ITIH5: variants seen among roughly 807,000 people sequenced by gnomAD.
ITIH5 encodes the protein inter-alpha-trypsin inhibitor heavy chain H5.
ITIH5 carries 65 observed loss-of-function variants against 77.5 expected under a neutral mutation model. That is an observed-to-expected ratio of 0.84 (90% CI 0.69 to 1.03). ITIH5 has a LOEUF of 1.03. Among genes scored for constraint, ITIH5 ranks in the 50% least tolerant of loss-of-function variants. ITIH5 has a pLI of 0.00. For synonymous variants in ITIH5, 525 were observed against 494.3 expected, an observed-to-expected ratio of 1.06 and a Z score of -0.82; for missense variants, 1,208 against 1,213.1, an observed-to-expected ratio of 1.00 and a Z score of 0.06.
rs117425443 is a variant in ITIH5 at position 7,582,562 on chromosome 10, C to A, written c.1109-2498G>T. The stretch of plus-strand genomic sequence containing the variant: ...TAAATTTAGAGTTTGATGACCATCA[C>A]CACCATCCATCATCCTGACTGGAGT... On this transcript the variant is annotated intron_variant, in intron 8 of 13. Transcript: ENST00000397146. Among the ~76,000 whole-genome samples, 1,106 of 152,282 alleles carry A rather than the reference C, an allele frequency of 7.3e-3. 5 individuals carry two copies. Among genetic ancestry groups the A allele is most frequent in the Admixed American group, 0.014 (217 of 15,294 alleles).
intron 11 of ITIH5, among the ~76,000 whole-genome samples, chr10:7,570,553 A>G (rs1832276547): frequency 6.6e-6 from 1 of 152,218 alleles, no homozygotes; most frequent in Non-Finnish European, 1.5e-5. Flanking sequence ...ATTTCTTGAG[A>G]ATCTATATCA....
intron 5 of ITIH5, among the ~76,000 whole-genome samples, chr10:7,630,381 TG>T (rs1833692831): frequency 6.6e-6 from 1 of 152,238 alleles, no homozygotes. Flanking sequence ...TCTCTTAACT[TG>T]CTCGTTTTAA....
chr10:7,594,031 G>A (rs553526925), intron 7 of ITIH5, among the ~76,000 whole-genome samples: 1 of 152,350 alleles, frequency 6.6e-6, no homozygotes, highest in South Asian at 2.1e-4. Context: ...TCTGCACATC[G>A]TGTTCAGATG....
rs369039511 is a variant in ITIH5, at chr10:7,634,562, CCT to C, written c.652+2664_652+2665del. 2.9e-3 allele frequency among the ~76,000 whole-genome samples: 443 copies of C among 152,260 alleles called. 2 individuals carry two copies. Among genetic ancestry groups the C allele is most frequent in the African/African-American group, 0.01 (435 of 41,544 alleles). On this transcript the variant is annotated intron_variant, in intron 5 of 13. Transcript: ENST00000397146. ...AAGAGATCAACCGTTTGGAAAAATTCCTCTGAGACACTAACAGGCCCCGAATA... is the reference window on the plus strand; with the variant it reads ...AAGAGATCAACCGTTTGGAAAAATTCCTGAGACACTAACAGGCCCCGAATA...
chr10:7,661,646 G>A (rs535583742), intron 1 of ITIH5, among the ~76,000 whole-genome samples: 19 of 152,270 alleles, frequency 1.2e-4, no homozygotes, highest in African/African-American at 4.6e-4. Context: ...CCTTGGTAAT[G>A]GAAGAAGAAA....
chr10:7,624,823 ATG>A (rs1201698809), intron 5 of ITIH5, among the ~76,000 whole-genome samples: 2 of 136,298 alleles, frequency 1.5e-5, no homozygotes, highest in African/African-American at 5.8e-5. Context: ...ACACATATAT[ATG>A]TGTATATACA....
intron 2 of ITIH5, among the ~76,000 whole-genome samples, chr10:7,649,200 T>C (rs1452610207): frequency 6.8e-6 from 1 of 146,774 alleles, no homozygotes; most frequent in Non-Finnish European, 1.5e-5. Context: ...CTTCTTTTCA[T>C]TCTCCTTCTT....
chr10:7,641,527 T>C (rs778713177), intron 3 of ITIH5, among the ~76,000 whole-genome samples: 2 of 150,614 alleles, frequency 1.3e-5, no homozygotes, highest in Non-Finnish European at 3.0e-5. Flanking sequence ...CATTCATTTG[T>C]TGAAGGGGAG....
intron 5 of ITIH5, among the ~76,000 whole-genome samples, chr10:7,636,370 A>G (rs2131071910): frequency 6.6e-6 from 1 of 152,298 alleles, no homozygotes; most frequent in South Asian, 2.1e-4. Flanking sequence ...AAAGAATATA[A>G]CATATTGCTG....
rs772786153 is a variant in ITIH5, at chr10:7,561,372, T to C, written c.*1711A>G. On this transcript the variant is annotated 3_prime_UTR_variant, in exon 14 of 14. Coordinates refer to ENST00000397146, the MANE Select transcript of ITIH5 (RefSeq NM_030569.7). The stretch of plus-strand genomic sequence containing the variant: ...GTCTGTCCAGCTGGGATTTACATAA[T>C]AGGAAGGCCCCGGGGAGCCTGGCCA... The C allele has an allele frequency of 3.9e-5, 6 of 152,294 alleles. No individual in the cohort carries two copies. The highest frequency in any genetic ancestry group is 9.6e-5 in the African/African-American group (4 of 41,460). 9.4% of individuals were successfully genotyped at this position (152,294 alleles called of 1,614,324 possible). A position where few individuals can be genotyped will look rare whatever the true frequency, so the allele number is the denominator to read the frequency against.
At chr10:7,622,293 T>C (rs1218873252) in intron 5 of ITIH5, 2 of 152,242 alleles carry the variant, frequency 1.3e-5, no homozygotes, top group Non-Finnish European at 2.9e-5. Flanking sequence ...GAGTGGGTTC[T>C]AGAGTGTGAC....
chr10:7,659,982 G>T (rs557092592), intron 1 of ITIH5, among the ~76,000 whole-genome samples: 22 of 152,140 alleles, frequency 1.4e-4, no homozygotes, highest in Non-Finnish European at 1.5e-4. Flanking sequence ...CCAGCTTCAG[G>T]CAAAACTACC....
At position 7,565,348 on chromosome 10, in the gene ITIH5, C is replaced by CAT. The variant is rs756132714; in HGVS notation, c.2527+680_2527+681dup. Among the ~76,000 whole-genome samples, 273 of 148,530 alleles carry CAT rather than the reference C, an allele frequency of 1.8e-3. 2 individuals are homozygous for CAT. Among genetic ancestry groups the CAT allele is most frequent in the African/African-American group, 6.0e-3 (245 of 40,596 alleles). ...ACATCACACATACAAAGATGGTATA[C>CAT]ATATATATATACATACACAGACTAT... is the stretch of plus-strand genomic sequence containing the variant. On this transcript the variant is annotated intron_variant, in intron 13 of 13. Transcript: ENST00000397146.
At chr10:7,593,272 C>T (rs146145005) in intron 7 of ITIH5, among the ~76,000 whole-genome samples, 2,102 of 152,168 alleles carry the variant, frequency 0.014, 23 homozygotes, top group Non-Finnish European at 0.02. Flanking sequence ...GGCTCCATTC[C>T]CACTCAGAGG....
chr10:7,602,921 T>C (rs893071269), intron 7 of ITIH5, among the ~76,000 whole-genome samples: 1 of 152,196 alleles, frequency 6.6e-6, no homozygotes, highest in Admixed American at 6.5e-5. Context: ...GTGGGGCACA[T>C]GCTCTCATTC....
chr10:7,612,923 C>G (rs955319167), intron 7 of ITIH5, among the ~76,000 whole-genome samples: 1 of 152,158 alleles, frequency 6.6e-6, no homozygotes, highest in Non-Finnish European at 1.5e-5. Context: ...CACAAAACAA[C>G]TTGGTCAACG....
chr10:7,620,325 G>A (rs1833453848), intron 5 of ITIH5: 1 of 152,214 alleles, frequency 6.6e-6, no homozygotes, highest in African/African-American at 2.4e-5. Context: ...GTCTTCTTGA[G>A]TGAAAATATC....
Position 7,650,352 on chromosome 10 carries a change from C to T in ITIH5, c.135+5279G>A, listed in dbSNP as rs143879019. On this transcript the variant is annotated intron_variant, in intron 2 of 13. Transcript: ENST00000397146. ...TTAGAAATCATCTAACTCTGCTCCCCTTTGTTTTAGAGAGAAGGCTGGAGC... is the reference window on the plus strand; with the variant it reads ...TTAGAAATCATCTAACTCTGCTCCCTTTTGTTTTAGAGAGAAGGCTGGAGC... 1.7e-3 allele frequency among the ~76,000 whole-genome samples: 258 copies of T among 152,340 alleles called. 1 individual carries two copies. The highest frequency in any genetic ancestry group is 5.5e-3 in the African/African-American group (230 of 41,582).
chr10:7,653,177 T>C (rs978211824), intron 2 of ITIH5, among the ~76,000 whole-genome samples: 1 of 152,130 alleles, frequency 6.6e-6, no homozygotes, highest in Non-Finnish European at 1.5e-5. Flanking sequence ...TTAAGAGTAA[T>C]AGTATTCAAA....
Sources: gnomAD v4.1 joint callset for allele counts (sites outside exome capture counted in the v4.1 genomes callset) on GRCh38, gnomAD v4.1.1 for gene constraint, MANE v1.5 for transcripts, NCBI Gene and HGNC (gene_info 2026-07-23, HGNC 2026-07-21) for gene names.